The following ZMYM4 variants were observed in gnomAD, a reference collection of about 807,000 sequenced individuals.
The protein encoded by ZMYM4 is zinc finger MYM-type protein 4.
ZMYM4 carries 31 observed loss-of-function variants against 183.2 expected under a neutral mutation model. The observed-to-expected ratio is 0.17, with a 90% CI of 0.13 to 0.23. ZMYM4 has a LOEUF of 0.23. Ranked by LOEUF, ZMYM4 falls within the 10% of genes least tolerant of loss-of-function variation. The pLI, the probability that ZMYM4 is intolerant of heterozygous loss-of-function variation, is 1.00. For missense variants in ZMYM4, 1,273 were observed against 1,840.3 expected (o/e 0.69, Z 5.64); for synonymous variants, 592 against 631.2 (o/e 0.94, Z 0.93).
chr1:35,365,943 T>C (rs1387029033), intron 5 of ZMYM4: 1 of 152,208 alleles, frequency 6.6e-6, no homozygotes. Flanking sequence ...ACTATTTTAC[T>C]ATATTACATA....
rs1157981831 is a variant in ZMYM4 at position 35,420,709 on chromosome 1, G to C, written c.*1032G>C. 6.6e-6 allele frequency: 1 copy of C among 152,584 alleles called. No homozygotes were observed. Among genetic ancestry groups the C allele is most frequent in the Non-Finnish European group, 1.5e-5 (1 of 68,048 alleles). 9.5% of individuals were successfully genotyped at this position (152,584 alleles called of 1,614,324 possible). On this transcript the variant is annotated 3_prime_UTR_variant, in exon 30 of 30. Transcript: ENST00000314607. The stretch of plus-strand genomic sequence containing the variant: ...TCTTTTCTTACTCTGGCAAACCTGT[G>C]AGTGATTCCACAAAGATACAGTATT...
At chr1:35,288,287 G>A (rs1477271509) in intron 1 of ZMYM4, among the ~76,000 whole-genome samples, 2 of 151,974 alleles carry the variant, frequency 1.3e-5, no homozygotes, top group Non-Finnish European at 2.9e-5. Flanking sequence ...TTACACATTG[G>A]AGACAGATTT....
At chr1:35,369,958 T>C (rs1262534312) in intron 5 of ZMYM4, 71 bp from the exon 6 acceptor site, 30 of 1,140,968 alleles carry the variant, frequency 2.6e-5, no homozygotes, top group Non-Finnish European at 3.0e-5. Context: ...GTAAAATGTC[T>C]TGAATGTCTG....
At chr1:35,275,007 G>A (rs1639801772) in intron 1 of ZMYM4, among the ~76,000 whole-genome samples, 1 of 152,130 alleles carries the variant, frequency 6.6e-6, no homozygotes, top group African/African-American at 2.4e-5. Flanking sequence ...TATCTGGAAT[G>A]TATGGATGTT....
intron 2 of ZMYM4, chr1:35,351,134 A>G (rs970208159): frequency 2.9e-6 from 3 of 1,032,560 alleles, no homozygotes; most frequent in Non-Finnish European, 3.0e-6. Flanking sequence ...TTGGTCAGCC[A>G]CGTGCCTTTA....
chr1:35,371,687 G>A (rs533907628), intron 7 of ZMYM4, among the ~76,000 whole-genome samples: 5 of 152,256 alleles, frequency 3.3e-5, no homozygotes, highest in Non-Finnish European at 7.4e-5. Flanking sequence ...TCCTCACACA[G>A]ATGCTGCACT....
rs1464904584 is a variant in ZMYM4, at chr1:35,325,490, T to G, written c.85+85T>G. 3 of 1,345,476 alleles carry G rather than the reference T, an allele frequency of 2.2e-6. No individual in the cohort carries two copies. The African/African-American group carries it at 4.4e-5, about 20-fold the overall frequency. 83.3% of individuals were successfully genotyped at this position (1,345,476 alleles called of 1,614,324 possible). On this transcript the variant is annotated intron_variant, in intron 2 of 29. Coordinates refer to ENST00000314607, the MANE Select transcript of ZMYM4 (RefSeq NM_005095.3). ...GATGTGGTATTTAACTATTACAGTG[T>G]TTAGTTAGGGCTGATTTATGTGATG...
At chr1:35,361,433 G>A (rs2148910318) in intron 4 of ZMYM4, among the ~76,000 whole-genome samples, 178 bp downstream of exon 4, 1 of 151,790 alleles carries the variant, frequency 6.6e-6, no homozygotes, top group South Asian at 2.1e-4. Context: ...CAAATCTTAG[G>A]GTCTTTATTT....
intron 1 of ZMYM4, among the ~76,000 whole-genome samples, chr1:35,317,122 CAAA>C (rs763716832): frequency 1.0e-5 from 1 of 96,842 alleles, no homozygotes; most frequent in Non-Finnish European, 2.1e-5. Context: ...GACTTCATCT[CAAA>C]AAAAAAAAAA....
chr1:35,415,727 GTT>G lies in ZMYM4; in HGVS notation c.4309+15_4309+16del, dbSNP rs764023296. 6.2e-7 allele frequency: 1 copy of G among 1,606,624 alleles called. No homozygotes were observed. Among genetic ancestry groups the G allele is most frequent in the Non-Finnish European group, 8.5e-7 (1 of 1,178,912 alleles). ...GAGTCAGAACCAGGTACGGGATACT[GTT>G]TGTCAGATTTCTCTTTGAAGTCTTA... On this transcript the variant is annotated intron_variant, in intron 28 of 29. Transcript: ENST00000314607.
chr1:35,383,862 G>A (rs1432487433), intron 9 of ZMYM4, among the ~76,000 whole-genome samples: 2 of 152,198 alleles, frequency 1.3e-5, no homozygotes, highest in South Asian at 2.1e-4. Context: ...GTTTTACCTT[G>A]GGGAAAGCAG....
At chr1:35,313,831 A>G (rs568240766) in intron 1 of ZMYM4, among the ~76,000 whole-genome samples, 128 of 152,274 alleles carry the variant, frequency 8.4e-4, no homozygotes, top group Non-Finnish European at 1.5e-3. Context: ...TTAAAGGTGT[A>G]TATAATATGA....
At chr1:35,396,526 T>C (rs748569474) in intron 18 of ZMYM4, 26 bp from the exon 19 acceptor site, 2 of 1,609,820 alleles carry the variant, frequency 1.2e-6, no homozygotes. Flanking sequence ...CTTTGCTTTT[T>C]GTGATTTTGT....
At chr1:35,407,177 TA>T (rs1645017161) in intron 25 of ZMYM4, among the ~76,000 whole-genome samples, 2 of 152,282 alleles carry the variant, frequency 1.3e-5, no homozygotes, top group African/African-American at 4.8e-5. Flanking sequence ...CTTATACTTG[TA>T]ATCCCAGCAC....
At chr1:35,349,602 T>G (rs942398639) in intron 2 of ZMYM4, among the ~76,000 whole-genome samples, 29 of 151,554 alleles carry the variant, frequency 1.9e-4, no homozygotes, top group Non-Finnish European at 1.5e-5. Flanking sequence ...CTGAGGCAGG[T>G]GGGTCACTTA....
chr1:35,306,116 C>G (rs576499031), intron 1 of ZMYM4, among the ~76,000 whole-genome samples: 3 of 151,970 alleles, frequency 2.0e-5, no homozygotes, highest in Admixed American at 6.6e-5. Context: ...GCCATTTGTT[C>G]TTTATTCTCG....
intron 2 of ZMYM4, chr1:35,351,684 G>A: frequency 4.1e-6 from 2 of 483,394 alleles, no homozygotes; most frequent in Admixed American, 3.7e-5. Context: ...ACAAAAAACA[G>A]AAATCAAAAA....
chr1:35,387,436 A>T lies in ZMYM4; in HGVS notation c.2113-18A>T. The T allele has an allele frequency of 6.3e-7, 1 of 1,594,338 alleles. No homozygotes were observed. Among genetic ancestry groups the T allele is most frequent in the Non-Finnish European group, 8.5e-7 (1 of 1,172,684 alleles). ...AAACCAAATGTTTAATTAGTACTTA[A>T]TGATTATTTCTTTGCAGGGCAAAAT... is the stretch of plus-strand genomic sequence containing the variant. On this transcript the variant is annotated intron_variant, in intron 12 of 29. Transcript: ENST00000314607.
At chr1:35,370,790 C>CTTTTTTTTTTTTTTTTT (rs1644190839) in intron 7 of ZMYM4, 163 bp downstream of exon 7, 1 of 767,832 alleles carries the variant, frequency 1.3e-6, no homozygotes. Context: ...TCAGTTGTTG[C>CTTTTTTTTTTTTTTTTT]TTTTCAGTCT....
Sources: allele counts gnomAD v4.1 joint callset (sites outside exome capture counted in the v4.1 genomes callset), GRCh38; gene constraint gnomAD v4.1.1; transcripts MANE v1.5; gene names NCBI Gene and HGNC (gene_info 2026-07-23, HGNC 2026-07-21).